Variants in ARHGAP15 observed in about 807,000 individuals in gnomAD.
ARHGAP15 encodes the protein Rho GTPase activating protein 15.
ARHGAP15 carries 51 observed loss-of-function variants against 63.7 expected under a neutral mutation model. That is an observed-to-expected ratio of 0.80 (90% CI 0.64 to 1.01). The LOEUF is 1.01. ARHGAP15 is among the 50% of genes least tolerant of loss of function. The pLI, the probability that ARHGAP15 is intolerant of heterozygous loss-of-function variation, is 0.00. For synonymous variants in ARHGAP15, 191 were observed against 193.8 expected, an observed-to-expected ratio of 0.99 and a Z score of 0.12; for missense variants, 560 against 564.6, an observed-to-expected ratio of 0.99 and a Z score of 0.08.
At chr2:143,638,389 A>C (rs1163578185) in intron 12 of ARHGAP15, among the ~76,000 whole-genome samples, 2 of 138,182 alleles carry the variant, frequency 1.4e-5, no homozygotes, top group Non-Finnish European at 3.2e-5. Context: ...TTCTCAGTAA[A>C]CTATCTCAAG....
chr2:143,183,080 C>T (rs761214435), intron 2 of ARHGAP15, among the ~76,000 whole-genome samples: 3 of 152,188 alleles, frequency 2.0e-5, no homozygotes, highest in Non-Finnish European at 4.4e-5. Flanking sequence ...TTCGGCCTAA[C>T]TGGCAGCAAA....
At chr2:143,673,754 G>GTATATATA (rs1166388931) in intron 12 of ARHGAP15, among the ~76,000 whole-genome samples, 8 of 31,402 alleles carry the variant, frequency 2.5e-4, no homozygotes, top group African/African-American at 4.3e-4. Flanking sequence ...GTGTGTGTGT[G>GTATATATA]TGTGTATATA....
intron 4 of ARHGAP15, among the ~76,000 whole-genome samples, chr2:143,222,120 C>T (rs1347550491): frequency 6.6e-6 from 1 of 152,086 alleles, no homozygotes; most frequent in African/African-American, 2.4e-5. Context: ...TCTTTTTGAC[C>T]CACCTTTTAG....
chr2:143,638,328 A>G (rs963636626), intron 12 of ARHGAP15, among the ~76,000 whole-genome samples: 1 of 150,100 alleles, frequency 6.7e-6, no homozygotes, highest in Non-Finnish European at 1.5e-5. Flanking sequence ...GCCATAAAAA[A>G]TGATGAGTTC....
At chr2:143,251,163 G>A (rs1294571814) in intron 6 of ARHGAP15, among the ~76,000 whole-genome samples, 1 of 151,888 alleles carries the variant, frequency 6.6e-6, no homozygotes, top group African/African-American at 2.4e-5. Context: ...CCTTGAGAGA[G>A]ATAAAATTGG....
chr2:143,131,754 T>C (rs999527854), intron 1 of ARHGAP15, among the ~76,000 whole-genome samples: 2 of 152,224 alleles, frequency 1.3e-5, no homozygotes, highest in African/African-American at 4.8e-5. Context: ...AATTTTAATA[T>C]GTTTCCTCAG....
intron 9 of ARHGAP15, among the ~76,000 whole-genome samples, chr2:143,494,930 G>A (rs963542263): frequency 6.6e-6 from 1 of 152,166 alleles, no homozygotes; most frequent in Non-Finnish European, 1.5e-5. Flanking sequence ...TAAGAAAAAT[G>A]AGGAGAAAAT....
At chr2:143,455,336 G>T (rs1006251783) in intron 8 of ARHGAP15, among the ~76,000 whole-genome samples, 1 of 152,030 alleles carries the variant, frequency 6.6e-6, no homozygotes, top group Non-Finnish European at 1.5e-5. Context: ...GACGACCAAA[G>T]GTCACTTTCA....
intron 13 of ARHGAP15, among the ~76,000 whole-genome samples, chr2:143,715,986 T>A (rs1366943785): frequency 1.3e-5 from 2 of 152,064 alleles, no homozygotes; most frequent in African/African-American, 2.4e-5. Context: ...TCAACACACA[T>A]TGGGGCCTGT....
chr2:143,561,845 T>A (rs1696042999), intron 11 of ARHGAP15, among the ~76,000 whole-genome samples: 1 of 152,178 alleles, frequency 6.6e-6, no homozygotes, highest in Admixed American at 6.5e-5. Flanking sequence ...AGAAAAACTG[T>A]TAAGGACAAC....
chr2:143,270,523 C>G (rs955170330), intron 6 of ARHGAP15, among the ~76,000 whole-genome samples: 1 of 152,162 alleles, frequency 6.6e-6, no homozygotes, highest in Non-Finnish European at 1.5e-5. Flanking sequence ...TATGAAGTAA[C>G]TCAAGTACTC....
At chr2:143,548,204 CA>C (rs1240940507) in intron 10 of ARHGAP15, among the ~76,000 whole-genome samples, 2 of 151,976 alleles carry the variant, frequency 1.3e-5, no homozygotes, top group Non-Finnish European at 2.9e-5. Context: ...CTCATATTAA[CA>C]AATTGAAGTA....
chr2:143,623,088 G>T (rs972975749), intron 11 of ARHGAP15, among the ~76,000 whole-genome samples: 4 of 152,162 alleles, frequency 2.6e-5, no homozygotes, highest in African/African-American at 9.7e-5. Context: ...TTAGTTTAAG[G>T]TTTCATGAAG....
At chr2:143,247,814 C>T (rs1025513455) in intron 5 of ARHGAP15, among the ~76,000 whole-genome samples, 1 of 152,094 alleles carries the variant, frequency 6.6e-6, no homozygotes, top group Non-Finnish European at 1.5e-5. Context: ...TGAACTGTTT[C>T]TCACTTTTCC....
chr2:143,198,723 A>C (rs984993041), intron 2 of ARHGAP15, among the ~76,000 whole-genome samples: 2 of 152,130 alleles, frequency 1.3e-5, no homozygotes, highest in African/African-American at 4.8e-5. Flanking sequence ...AGAATTTAGT[A>C]GTGGTCAGAT....
intron 2 of ARHGAP15, among the ~76,000 whole-genome samples, chr2:143,158,812 A>G (rs182716817): frequency 4.2e-4 from 64 of 152,074 alleles, no homozygotes; most frequent in African/African-American, 1.5e-3. Context: ...GAGGGCCAAT[A>G]GATGGGGGCA....
chr2:143,410,233 T>C (rs1382708887), intron 6 of ARHGAP15, among the ~76,000 whole-genome samples: 1 of 152,228 alleles, frequency 6.6e-6, no homozygotes, highest in Non-Finnish European at 1.5e-5. Context: ...GAACATCTGT[T>C]ATTTGTCTTG....
intron 12 of ARHGAP15, among the ~76,000 whole-genome samples, chr2:143,625,545 C>A (rs1196378702): frequency 6.6e-6 from 1 of 152,144 alleles, no homozygotes; most frequent in African/African-American, 2.4e-5. Flanking sequence ...GAGGCTGGAA[C>A]TCTTATCCCT....
At chr2:143,584,486 C>T (rs1329566247) in intron 11 of ARHGAP15, among the ~76,000 whole-genome samples, 3 of 151,842 alleles carry the variant, frequency 2.0e-5, no homozygotes, top group Non-Finnish European at 2.9e-5. Flanking sequence ...ATTAGCTGGG[C>T]GTGGTGGCAG....
Sources: allele counts gnomAD v4.1 joint callset (sites outside exome capture counted in the v4.1 genomes callset), GRCh38; gene constraint gnomAD v4.1.1; transcripts MANE v1.5; gene names NCBI Gene and HGNC (gene_info 2026-07-23, HGNC 2026-07-21).